Variants in RGS12 observed in about 807,000 individuals in gnomAD.
RGS12 encodes the protein regulator of G-protein signaling 12.
RGS12 carries 66 observed loss-of-function variants against 120.1 expected under a neutral mutation model. The observed-to-expected ratio is 0.55, with a 90% CI of 0.45 to 0.67. RGS12 has a LOEUF of 0.67. RGS12 is among the 30% of genes least tolerant of loss of function. The probability of loss-of-function intolerance (pLI) is 0.00; values close to 1 mark genes in which losing one functional copy is unlikely to be tolerated. For missense variants in RGS12, 1,859 were observed against 1,957.7 expected (o/e 0.95, Z 0.95); for synonymous variants, 827 against 804.7 (o/e 1.03, Z -0.47).
At chr4:3,353,816 C>G (rs1231563479) in intron 3 of RGS12, among the ~76,000 whole-genome samples, 2 of 152,138 alleles carry the variant, frequency 1.3e-5, no homozygotes, top group African/African-American at 2.4e-5. Context: ...TACGCCCCCT[C>G]TTTATAGGGA....
chr4:3,385,400 C>T (rs1476794113), intron 3 of RGS12: 1 of 153,510 alleles, frequency 6.5e-6, no homozygotes, highest in Admixed American at 6.5e-5. Flanking sequence ...CACCCCCTCT[C>T]ACTTCCTGGC....
intron 3 of RGS12, among the ~76,000 whole-genome samples, chr4:3,364,381 AG>A (rs951340451): frequency 1.3e-5 from 2 of 152,170 alleles, no homozygotes; most frequent in Non-Finnish European, 2.9e-5. Context: ...AGGCCCTGGC[AG>A]GGTGGGTGTA....
upstream of RGS12, among the ~76,000 whole-genome samples, chr4:3,288,315 C>A (rs2110335981): frequency 6.6e-6 from 1 of 152,166 alleles, no homozygotes; most frequent in East Asian, 1.9e-4. The surrounding 1 kb of genome is among the most constrained non-coding windows in gnomAD (Gnocchi z 5.2). Flanking sequence ...ACAAGGGGGC[C>A]CCGTGGGTGT....
intron 3 of RGS12, among the ~76,000 whole-genome samples, chr4:3,381,422 G>A (rs753625676): frequency 1.3e-5 from 2 of 152,128 alleles, no homozygotes; most frequent in African/African-American, 2.4e-5. Flanking sequence ...ATATTAGTCC[G>A]TTATCATGCT....
intron 14 of RGS12, among the ~76,000 whole-genome samples, chr4:3,426,340 C>T (rs561949257): frequency 5.9e-4 from 55 of 93,778 alleles, no homozygotes; most frequent in African/African-American, 2.3e-3. Flanking sequence ...AGAGGGCAGG[C>T]GGGGCTGGCC....
intron 4 of RGS12, among the ~76,000 whole-genome samples, chr4:3,394,006 C>T (rs35454361): frequency 0.14 from 21,224 of 152,126 alleles, 2,112 homozygotes; most frequent in Non-Finnish European, 0.2. Context: ...CTGCCCAGCC[C>T]AGGTTGGACT....
chr4:3,421,966 A>G (rs1436321571), intron 10 of RGS12, among the ~76,000 whole-genome samples: 1 of 152,210 alleles, frequency 6.6e-6, no homozygotes. Context: ...AGTCCAGGCG[A>G]CGTTTCCATT....
In RGS12 at chr4:3,296,390, A is replaced by G. The variant is rs542022428; in HGVS notation, c.-102+3291A>G. On this transcript the variant is annotated intron_variant, in intron 1 of 17. Coordinates refer to ENST00000336727, the MANE Select transcript of RGS12 (RefSeq NM_001394154.1). ...TTTTTGGTAGAGATGGGGTCTCACT[A>G]TGTTGCCCAGGCTGATCTTGAACTC... Among the ~76,000 whole-genome samples, 11 of 150,870 alleles carry G rather than the reference A, an allele frequency of 7.3e-5. No homozygotes were observed. The South Asian group carries it at 2.1e-3, about 29-fold the overall frequency.
intron 3 of RGS12, among the ~76,000 whole-genome samples, chr4:3,348,537 G>T (rs370367556): frequency 7.2e-5 from 11 of 152,256 alleles, no homozygotes; most frequent in African/African-American, 2.6e-4. Flanking sequence ...AGTGCGCACC[G>T]TATTATAGAG....
Position 3,424,820 on chromosome 4 carries a change from A to C in RGS12, c.3235-644A>C, listed in dbSNP as rs545979879. On this transcript the variant is annotated intron_variant, in intron 13 of 17. Transcript: ENST00000336727. ...TGGTGGAGAAGGCGGGACCTGGGGCAGTTCCTCTGCTTCCCCCGCAGGGCC... is the reference window on the plus strand; with the variant it reads ...TGGTGGAGAAGGCGGGACCTGGGGCCGTTCCTCTGCTTCCCCCGCAGGGCC... Among the ~76,000 whole-genome samples the C allele has an allele frequency of 1.3e-3, 191 of 152,356 alleles. 2 individuals carry two copies. Among genetic ancestry groups the C allele is most frequent in the South Asian group, 4.3e-3 (21 of 4,830 alleles).
At chr4:3,311,598 T>A (rs1486447318) in intron 1 of RGS12, among the ~76,000 whole-genome samples, 1 of 152,230 alleles carries the variant, frequency 6.6e-6, no homozygotes, top group Admixed American at 6.5e-5. Flanking sequence ...ATAGCTGAGC[T>A]AGTGACACCT....
intron 17 of RGS12, among the ~76,000 whole-genome samples, chr4:3,438,548 G>T (rs1490976991): frequency 6.6e-6 from 1 of 151,948 alleles, no homozygotes; most frequent in African/African-American, 2.4e-5. Context: ...CATTCTGCGT[G>T]CACCGTTCAC....
At chr4:3,391,464 AG>A (rs780964270) in intron 4 of RGS12, among the ~76,000 whole-genome samples, 1 of 152,190 alleles carries the variant, frequency 6.6e-6, no homozygotes, top group Non-Finnish European at 1.5e-5. Context: ...TGTGCTAGCC[AG>A]GGGGCCTGTG....
chr4:3,417,264 C>T, intron 8 of RGS12, 124 bp from the exon 9 acceptor site: 1 of 1,313,134 alleles, frequency 7.6e-7, no homozygotes, highest in Non-Finnish European at 1.0e-6. Context: ...CACACCATGA[C>T]CTGTAGAAGT....
intron 2 of RGS12, among the ~76,000 whole-genome samples, chr4:3,338,786 A>G (rs982688685): frequency 6.6e-6 from 1 of 152,084 alleles, no homozygotes; most frequent in Non-Finnish European, 1.5e-5. Flanking sequence ...TAAAAGCTGG[A>G]GTTTGAACCA....
rs867518464 is a variant in RGS12 at position 3,298,230 on chromosome 4, A to G, written c.-102+5131A>G. On this transcript the variant is annotated intron_variant, in intron 1 of 17. Coordinates refer to ENST00000336727, the MANE Select transcript of RGS12 (RefSeq NM_001394154.1). ...CTGAGGATAGAAGTTTTTAAATTTC[A>G]AAGATAATTTTCTTTCAGTTTTGCT... Among the ~76,000 whole-genome samples the G allele has an allele frequency of 2.0e-5, 3 of 152,224 alleles. No homozygotes were observed. In the South Asian group the frequency reaches 6.2e-4, roughly 32 times the overall value.
chr4:3,408,921 C>T (rs894392052), intron 4 of RGS12, among the ~76,000 whole-genome samples: 3 of 152,190 alleles, frequency 2.0e-5, no homozygotes, highest in African/African-American at 7.2e-5. Context: ...GTGAAGGGGG[C>T]GTGGCTCTCA....
chr4:3,372,028 C>T lies in RGS12; in HGVS notation c.1999-14388C>T, dbSNP rs1440230908. Among the ~76,000 whole-genome samples the T allele has an allele frequency of 6.6e-6, 1 of 152,170 alleles. No homozygotes were observed. Among genetic ancestry groups the T allele is most frequent in the Non-Finnish European group, 1.5e-5 (1 of 68,026 alleles). Reference sequence around the variant, plus strand: ...TCGATGCCTGGTTCCCTGGCTTTGGCAGGCCGGGAAGATGCCCGTGCCTGT... The same window carrying T: ...TCGATGCCTGGTTCCCTGGCTTTGGTAGGCCGGGAAGATGCCCGTGCCTGT... On this transcript the variant is annotated intron_variant, in intron 3 of 17. Coordinates refer to ENST00000336727, the MANE Select transcript of RGS12 (RefSeq NM_001394154.1). The surrounding 1 kb of genome is among the most constrained non-coding windows in gnomAD (Gnocchi z 4.3).
Position 3,365,449 on chromosome 4 carries a change from G to A in RGS12, c.1999-20967G>A, listed in dbSNP as rs1172513964. Among the ~76,000 whole-genome samples the A allele has an allele frequency of 6.6e-6, 1 of 152,132 alleles. No homozygotes were observed. The highest frequency in any genetic ancestry group is 1.5e-5 in the Non-Finnish European group (1 of 68,012). ...GCAGGAGCTTTTGCGTCTGTCCCCAGTGAGTTGCCTTGATTCCATCTTGAG... is the reference window on the plus strand; with the variant it reads ...GCAGGAGCTTTTGCGTCTGTCCCCAATGAGTTGCCTTGATTCCATCTTGAG... On this transcript the variant is annotated intron_variant, in intron 3 of 17. Transcript: ENST00000336727. This position sits in a 1 kb window ranked among gnomAD's most constrained non-coding sequence, Gnocchi z 4.0.
Sources: gnomAD v4.1 joint callset for allele counts (sites outside exome capture counted in the v4.1 genomes callset) on GRCh38, gnomAD v4.1.1 for gene constraint, Gnocchi (gnomAD v3.1) non-coding constraint, MANE v1.5 for transcripts, NCBI Gene and HGNC (gene_info 2026-07-23, HGNC 2026-07-21) for gene names.